EXPH5: variants seen among roughly 807,000 people sequenced by gnomAD.
The protein encoded by EXPH5 is exophilin-5.
A neutral mutation model predicts 41.1 loss-of-function variants in EXPH5; 42 were observed. The observed-to-expected ratio is 1.02, with a 90% confidence interval of 0.80 to 1.32. The LOEUF (loss-of-function observed/expected upper bound fraction) is 1.32. EXPH5 is among the 40% of genes most tolerant of loss of function. The pLI is 0.00. For missense variants in EXPH5, 2,298 were observed against 2,314.5 expected (o/e 0.99, Z 0.15); for synonymous variants, 798 against 833.5 (o/e 0.96, Z 0.73).
intron 1 of EXPH5, among the ~76,000 whole-genome samples, chr11:108,573,176 G>GAAAGAAAGAA (rs2094067821): frequency 1.4e-5 from 2 of 145,182 alleles, no homozygotes; most frequent in East Asian, 2.0e-4. Flanking sequence ...AAGAAAGAAA[G>GAAAGAAAGAA]AAAGAAAGAA....
At chr11:108,600,554 TTTC>T in the EXPH5 span, among the ~76,000 whole-genome samples, 3 of 152,198 alleles carry the variant, frequency 2.0e-5, no homozygotes, top group Non-Finnish European at 4.4e-5. Flanking sequence ...GATAATTTCA[TTTC>T]TTGTTTTTAA....
At chr11:108,587,357 C>A (rs758920516) in intron 1 of EXPH5, among the ~76,000 whole-genome samples, 1 of 152,192 alleles carries the variant, frequency 6.6e-6, no homozygotes, top group African/African-American at 2.4e-5. Context: ...TAACCTTCAC[C>A]TGACTTTCTT....
intron 1 of EXPH5, among the ~76,000 whole-genome samples, chr11:108,547,759 T>A (rs1268332946): frequency 1.3e-5 from 2 of 152,250 alleles, no homozygotes; most frequent in Non-Finnish European, 2.9e-5. Context: ...CCTTCCCTTA[T>A]GTTTGTTTAG....
chr11:108,556,244 C>A (rs75419060), intron 1 of EXPH5, among the ~76,000 whole-genome samples: 2 of 150,330 alleles, frequency 1.3e-5, no homozygotes, highest in African/African-American at 2.4e-5. Context: ...CCTTATCATG[C>A]GGGTGTTGCC....
At chr11:108,520,630 G>A (rs572494612) in intron 4 of EXPH5, among the ~76,000 whole-genome samples, 83 of 152,032 alleles carry the variant, frequency 5.5e-4, no homozygotes, top group East Asian at 4.1e-3. Context: ...GTGCAGTGGC[G>A]CGATCTGGGC....
upstream of EXPH5, among the ~76,000 whole-genome samples, chr11:108,597,244 C>T (rs1415943045): frequency 6.6e-6 from 1 of 152,156 alleles, no homozygotes; most frequent in East Asian, 1.9e-4. Flanking sequence ...GTTGGCCAGG[C>T]TGGAGTGCAG....
rs563472422 is a variant in EXPH5, at chr11:108,540,178, C to T, written c.281-992G>A. Among the ~76,000 whole-genome samples, 16 of 152,048 alleles carry T rather than the reference C, an allele frequency of 1.1e-4. No homozygotes were observed. In the South Asian group the frequency reaches 3.3e-3, roughly 32 times the overall value. On this transcript the variant is annotated intron_variant, in intron 2 of 5. Coordinates refer to ENST00000265843, the MANE Select transcript of EXPH5 (RefSeq NM_015065.3). ...TCTACTAAAAATACAAAAAAATTAG[C>T]CAGGTGTGGTGGCGCACGCCTGTAA...
chr11:108,538,252 C>T (rs2093892074), intron 3 of EXPH5: 2 of 985,308 alleles, frequency 2.0e-6, no homozygotes, highest in Non-Finnish European at 2.4e-6. Flanking sequence ...CGGAACATAT[C>T]ACGTGCCAAG....
intron 1 of EXPH5, among the ~76,000 whole-genome samples, chr11:108,574,429 G>GA (rs1339243762): frequency 9.3e-5 from 14 of 151,322 alleles, no homozygotes; most frequent in Non-Finnish European, 1.3e-4. Context: ...ATAAAACTGA[G>GA]AAAAAATCTA....
Position 108,512,749 on chromosome 11 carries a change from C to G in EXPH5, c.2758G>C (p.Glu920Gln), listed in dbSNP as rs1433394443. The G allele has an allele frequency of 6.2e-7, 1 of 1,613,560 alleles. No homozygotes were observed. Among genetic ancestry groups the G allele is most frequent in the Non-Finnish European group, 8.5e-7 (1 of 1,179,864 alleles). Residue 920 changes from glutamate to glutamine, a missense_variant, in exon 6 of 6, where the codon GAA becomes CAA. Physicochemically the swap from Glu to Gln is conservative, Grantham distance 29 (BLOSUM62 2). Coordinates refer to ENST00000265843, the MANE Select transcript of EXPH5 (RefSeq NM_015065.3). ...CCAGCATTGTCTTTTTCTTCTCTTT[C>G]TCCTAGCGATGGATCTTTGTCTGAA... is the stretch of plus-strand genomic sequence containing the variant. Reference protein sequence around the residue: ...SPSDKDPSLGEREEKDNAGKN... With the variant: ...SPSDKDPSLGQREEKDNAGKN...
chr11:108,599,863 A>G, the EXPH5 span, among the ~76,000 whole-genome samples: 5 of 152,234 alleles, frequency 3.3e-5, no homozygotes, highest in African/African-American at 1.2e-4. Context: ...TTTAATAACT[A>G]CTGTCGACCT....
intron 5 of EXPH5, among the ~76,000 whole-genome samples, chr11:108,517,201 T>G (rs1027845477): frequency 1.3e-5 from 2 of 152,246 alleles, no homozygotes; most frequent in Non-Finnish European, 2.9e-5. Context: ...TCATCACTCC[T>G]GACATCAGAA....
chr11:108,546,422 GA>G (rs1447635186), intron 1 of EXPH5, among the ~76,000 whole-genome samples: 1 of 152,130 alleles, frequency 6.6e-6, no homozygotes, highest in Non-Finnish European at 1.5e-5. Flanking sequence ...GGAAGCTGGA[GA>G]AAAGTGGAAA....
chr11:108,579,142 G>C (rs756474249), intron 1 of EXPH5, among the ~76,000 whole-genome samples: 7 of 151,428 alleles, frequency 4.6e-5, no homozygotes, highest in African/African-American at 7.3e-5. Context: ...CTGTGGGTCT[G>C]TCCTATATTG....
At chr11:108,606,668 A>G in the EXPH5 span, among the ~76,000 whole-genome samples, 1 of 151,534 alleles carries the variant, frequency 6.6e-6, no homozygotes, top group Non-Finnish European at 1.5e-5. Flanking sequence ...GCTTTTCCCA[A>G]CCCTTCCCCT....
chr11:108,597,063 T>C (rs2094139839), upstream of EXPH5, among the ~76,000 whole-genome samples: 2 of 152,172 alleles, frequency 1.3e-5, no homozygotes, highest in African/African-American at 2.4e-5. Flanking sequence ...TTTAGAAATC[T>C]CTCATAGTCC....
chr11:108,543,777 A>G (rs1174952023), intron 1 of EXPH5, among the ~76,000 whole-genome samples: 3 of 152,244 alleles, frequency 2.0e-5, no homozygotes, highest in African/African-American at 7.2e-5. Context: ...TGCATTTTGC[A>G]AAGCACTAGA....
intron 1 of EXPH5, among the ~76,000 whole-genome samples, chr11:108,564,532 C>T (rs1014254193): frequency 6.6e-6 from 1 of 152,134 alleles, no homozygotes; most frequent in African/African-American, 2.4e-5. Flanking sequence ...ACTCCCCTCT[C>T]GTTGGAGTTA....
chr11:108,533,885 T>C (rs2093860919), intron 3 of EXPH5, among the ~76,000 whole-genome samples: 1 of 152,100 alleles, frequency 6.6e-6, no homozygotes, highest in Admixed American at 6.6e-5. Flanking sequence ...AGCTTGACCT[T>C]CTGGGCTTAA....
Sources: gnomAD v4.1 joint callset for allele counts (sites outside exome capture counted in the v4.1 genomes callset) on GRCh38, gnomAD v4.1.1 for gene constraint, MANE v1.5 for transcripts, NCBI Gene and HGNC (gene_info 2026-07-23, HGNC 2026-07-21) for gene names.